ITCH: variants seen among roughly 807,000 people sequenced by gnomAD.
ITCH encodes the protein E3 ubiquitin-protein ligase Itchy homolog.
Under a neutral mutation model 126.8 loss-of-function variants are expected in ITCH, and 28 were observed. The ratio of observed to expected loss-of-function variants is 0.22; its 90% CI spans 0.16 to 0.30. The LOEUF is 0.30. Ranked by LOEUF, ITCH falls within the 10% of genes least tolerant of loss-of-function variation. The pLI, the probability that ITCH is intolerant of heterozygous loss-of-function variation, is 1.00. For synonymous variants in ITCH, 342 were observed against 340.0 expected (o/e 1.01, Z -0.06); for missense variants, 631 against 1,032.4 (o/e 0.61, Z 5.33).
chr20:34,442,093 A>C (rs924241533), intron 9 of ITCH, 115 bp from the exon 10 acceptor site: 4 of 754,646 alleles, frequency 5.3e-6, no homozygotes, highest in African/African-American at 5.1e-5. Flanking sequence ...TTCTAAACTG[A>C]TGTCCTTATT....
chr20:34,385,882 C>T (rs988841042), intron 2 of ITCH, among the ~76,000 whole-genome samples: 3 of 152,130 alleles, frequency 2.0e-5, no homozygotes, highest in African/African-American at 7.2e-5. Context: ...GGTTCATATT[C>T]TACCTCCTTG....
In ITCH at chr20:34,394,462, C is replaced by T. The variant is rs190151312; in HGVS notation, c.70+581C>T. Among the ~76,000 whole-genome samples, 249 of 152,094 alleles carry T rather than the reference C, an allele frequency of 1.6e-3. 2 individuals carry two copies. Among genetic ancestry groups the T allele is most frequent in the Non-Finnish European group, 2.8e-3 (188 of 68,016 alleles). ...TATAATTCATATCCCCTACAGGTTA[C>T]CCATTTATTTATTTACTTATAACAA... On this transcript the variant is annotated intron_variant, in intron 3 of 24. Coordinates refer to ENST00000374864, the MANE Select transcript of ITCH (RefSeq NM_031483.7).
At chr20:34,398,904 A>G (rs1162316297) in intron 3 of ITCH, among the ~76,000 whole-genome samples, 1 of 152,178 alleles carries the variant, frequency 6.6e-6, no homozygotes, top group Non-Finnish European at 1.5e-5. Context: ...AATAGAATCA[A>G]ATGCCCTTCA....
chr20:34,389,646 A>G (rs1194708946), intron 2 of ITCH, among the ~76,000 whole-genome samples: 2 of 152,214 alleles, frequency 1.3e-5, no homozygotes, highest in Admixed American at 1.3e-4. Context: ...TTGGTTGGCC[A>G]TGAGATAGTA....
intron 20 of ITCH, among the ~76,000 whole-genome samples, chr20:34,488,889 A>G (rs1989323753): frequency 6.6e-6 from 1 of 151,948 alleles, no homozygotes; most frequent in South Asian, 2.1e-4. Flanking sequence ...AAAACCAAAA[A>G]TCAGCCAGGC....
intron 7 of ITCH, among the ~76,000 whole-genome samples, chr20:34,424,763 A>G (rs1287872286): frequency 6.6e-6 from 1 of 152,220 alleles, no homozygotes; most frequent in Non-Finnish European, 1.5e-5. Flanking sequence ...TAGAAAATAA[A>G]TATACTGGCA....
In ITCH at chr20:34,510,289, C is replaced by G. The variant is rs139117456; in HGVS notation, c.*2495C>G. On this transcript the variant is annotated 3_prime_UTR_variant, in exon 25 of 25. Transcript: ENST00000374864. The stretch of plus-strand genomic sequence containing the variant: ...GCAAATAGACCGCAGACATAAATAT[C>G]TACCAAATGCTATCTTAAATTTTGG... 2.0e-5 allele frequency: 3 copies of G among 152,548 alleles called. No individual in the cohort carries two copies. Among genetic ancestry groups the G allele is most frequent in the Non-Finnish European group, 4.4e-5 (3 of 68,028 alleles). 9.4% of individuals were successfully genotyped at this position (152,548 alleles called of 1,614,324 possible). A position where few individuals can be genotyped will look rare whatever the true frequency, so the allele number is the denominator to read the frequency against.
intron 8 of ITCH, among the ~76,000 whole-genome samples, chr20:34,439,095 A>G (rs1359973450): frequency 1.3e-5 from 2 of 152,228 alleles, no homozygotes; most frequent in Non-Finnish European, 2.9e-5. Context: ...GTGAACACCT[A>G]TAAGACTATC....
At chr20:34,503,055 A>C (rs1990363255) in intron 23 of ITCH, among the ~76,000 whole-genome samples, 2 of 152,160 alleles carry the variant, frequency 1.3e-5, no homozygotes, top group African/African-American at 4.8e-5. Context: ...AGAGTGAGTT[A>C]ATTTTAATTT....
chr20:34,363,414 T>C (rs2037273201), intron 1 of ITCH, 65 bp downstream of exon 1: 1 of 152,146 alleles, frequency 6.6e-6, no homozygotes, highest in Admixed American at 6.6e-5. Context: ...ATGAGAATGT[T>C]CGGGGAGAAC....
intron 3 of ITCH, among the ~76,000 whole-genome samples, chr20:34,405,374 G>A (rs1336227169): frequency 1.3e-5 from 2 of 151,882 alleles, no homozygotes; most frequent in African/African-American, 4.8e-5. Context: ...GTGTGGCGGC[G>A]CGTGCCTATA....
In ITCH at chr20:34,379,899, C is replaced by T. The variant is rs974034398; in HGVS notation, c.-22+10429C>T. 1.1e-4 allele frequency among the ~76,000 whole-genome samples: 15 copies of T among 140,948 alleles called. No homozygotes were observed. In the East Asian group the frequency reaches 3.3e-3, roughly 31 times the overall value. The allele number at this position is 140,948 out of a possible 152,430, so 92.5% of individuals were successfully genotyped here. A position where few individuals can be genotyped will look rare whatever the true frequency, so the allele number is the denominator to read the frequency against. ...GGCGTGAACCACTGCACCCGGCCCCCCCCCCCCTTTTTTTTTGAGACAGAG... is the reference window on the plus strand; with the variant it reads ...GGCGTGAACCACTGCACCCGGCCCCTCCCCCCCTTTTTTTTTGAGACAGAG... On this transcript the variant is annotated intron_variant, in intron 2 of 24. Transcript: ENST00000374864.
chr20:34,485,205 G>A (rs1278549459), intron 20 of ITCH, among the ~76,000 whole-genome samples: 1 of 152,124 alleles, frequency 6.6e-6, no homozygotes, highest in Non-Finnish European at 1.5e-5. Context: ...GGTGATAAAT[G>A]TTTTGGTTGT....
intron 19 of ITCH, 25 bp from the exon 20 acceptor site, chr20:34,481,039 CAA>C (rs1443808683): frequency 6.2e-7 from 1 of 1,611,124 alleles, no homozygotes; most frequent in South Asian, 1.1e-5. Flanking sequence ...GTGGATATAA[CAA>C]ATAGTGCTAA....
At chr20:34,368,944 C>A (rs2037518655) in intron 1 of ITCH, among the ~76,000 whole-genome samples, 1 of 152,176 alleles carries the variant, frequency 6.6e-6, no homozygotes, top group Non-Finnish European at 1.5e-5. Context: ...TTTGTCCTGT[C>A]TGCTCCATTA....
intron 14 of ITCH, among the ~76,000 whole-genome samples, chr20:34,468,034 CT>C (rs35748150): frequency 0.4 from 48,754 of 121,178 alleles, 7,243 homozygotes; most frequent in Middle Eastern, 0.47. Flanking sequence ...ACCTTGGAAA[CT>C]TTTTTTTTTT....
At chr20:34,502,386 C>G (rs982265468) in intron 23 of ITCH, among the ~76,000 whole-genome samples, 2 of 151,092 alleles carry the variant, frequency 1.3e-5, no homozygotes, top group African/African-American at 4.9e-5. Context: ...ATAGTGATAC[C>G]CTGTGTCTTA....
At chr20:34,407,018 G>A (rs557846880) in intron 3 of ITCH, among the ~76,000 whole-genome samples, 2 of 152,196 alleles carry the variant, frequency 1.3e-5, no homozygotes, top group East Asian at 3.9e-4. Context: ...AGGGAGCAAT[G>A]ACTTGCCACC....
At chr20:34,451,374 C>T (rs988139337) in intron 12 of ITCH, among the ~76,000 whole-genome samples, 6 of 151,532 alleles carry the variant, frequency 4.0e-5, no homozygotes, top group Admixed American at 6.6e-5. Context: ...GTGGGAGGAT[C>T]GCTTGAGCTT....
Sources: allele counts gnomAD v4.1 joint callset (sites outside exome capture counted in the v4.1 genomes callset), GRCh38; gene constraint gnomAD v4.1.1; transcripts MANE v1.5; gene names NCBI Gene and HGNC (gene_info 2026-07-23, HGNC 2026-07-21).